RIMS1: variants seen among roughly 807,000 people sequenced by gnomAD.
The protein encoded by RIMS1 is regulating synaptic membrane exocytosis protein 1.
A neutral mutation model predicts 214.1 loss-of-function variants in RIMS1; 83 were observed. The ratio of observed to expected loss-of-function variants is 0.39; its 90% CI spans 0.32 to 0.47. The LOEUF is 0.47. Among genes scored for constraint, RIMS1 ranks in the 20% least tolerant of loss-of-function variants. The pLI, the probability that RIMS1 is intolerant of heterozygous loss-of-function variation, is 0.99. For synonymous variants in RIMS1, 793 were observed against 786.8 expected, an observed-to-expected ratio of 1.01 and a Z score of -0.13; for missense variants, 2,050 against 2,161.8, an observed-to-expected ratio of 0.95 and a Z score of 1.03.
At chr6:72,396,719 T>C (rs1371817199) in intron 31 of RIMS1, among the ~76,000 whole-genome samples, 2 of 152,134 alleles carry the variant, frequency 1.3e-5, no homozygotes, top group African/African-American at 4.8e-5. Flanking sequence ...ATACCACTTA[T>C]ACAAATGCTT....
chr6:71,894,138 CT>C (rs946653618), intron 1 of RIMS1, among the ~76,000 whole-genome samples: 1 of 152,146 alleles, frequency 6.6e-6, no homozygotes, highest in African/African-American at 2.4e-5. Flanking sequence ...ATGGAGAACA[CT>C]TTTTCTGAGA....
intron 2 of RIMS1, among the ~76,000 whole-genome samples, chr6:72,023,758 A>T (rs1251740837): frequency 6.6e-6 from 1 of 152,122 alleles, no homozygotes; most frequent in Non-Finnish European, 1.5e-5. Flanking sequence ...TTGAAACCAA[A>T]TTTATTTCAT....
At chr6:71,944,120 T>C (rs1787046267) in intron 1 of RIMS1, among the ~76,000 whole-genome samples, 1 of 152,218 alleles carries the variant, frequency 6.6e-6, no homozygotes, top group African/African-American at 2.4e-5. Context: ...CTTGGTAAAA[T>C]ACTATTATGG....
At chr6:72,181,177 A>G (rs887720265) in intron 5 of RIMS1, among the ~76,000 whole-genome samples, 9 of 152,216 alleles carry the variant, frequency 5.9e-5, no homozygotes, top group Non-Finnish European at 8.8e-5. Context: ...GATCAAAGCT[A>G]GGCAATATGT....
At chr6:72,256,818 G>T (rs1247603535) in intron 16 of RIMS1, among the ~76,000 whole-genome samples, 1 of 151,402 alleles carries the variant, frequency 6.6e-6, no homozygotes, top group Non-Finnish European at 1.5e-5. Flanking sequence ...CTGAATAACA[G>T]ACTTTTTATA....
chr6:72,121,277 C>T (rs1342644954), intron 4 of RIMS1, among the ~76,000 whole-genome samples: 1 of 151,806 alleles, frequency 6.6e-6, no homozygotes, highest in Non-Finnish European at 1.5e-5. Context: ...ATTCTTCCTA[C>T]CCATGAGCAT....
At chr6:72,217,001 T>C in intron 6 of RIMS1, 1 of 1,406,522 alleles carries the variant, frequency 7.1e-7, no homozygotes, top group Non-Finnish European at 9.2e-7. Context: ...AGTGTCACTG[T>C]TGTATAATGT....
chr6:72,298,331 CCTAA>C (rs896503704), intron 26 of RIMS1, among the ~76,000 whole-genome samples: 2 of 151,900 alleles, frequency 1.3e-5, no homozygotes, highest in African/African-American at 4.8e-5. Context: ...CAACTTGAGA[CCTAA>C]CTATTAGTAT....
At chr6:72,061,351 C>T (rs1196530015) in intron 2 of RIMS1, among the ~76,000 whole-genome samples, 1 of 152,204 alleles carries the variant, frequency 6.6e-6, no homozygotes, top group East Asian at 1.9e-4. Flanking sequence ...AATATTGAGG[C>T]ATGACACCAA....
At chr6:72,167,928 T>C (rs1383319475) in intron 4 of RIMS1, among the ~76,000 whole-genome samples, 2 of 152,082 alleles carry the variant, frequency 1.3e-5, no homozygotes, top group African/African-American at 4.8e-5. Flanking sequence ...TTATATTTCA[T>C]TTATTTTCAC....
intron 30 of RIMS1, 101 bp from the exon 31 acceptor site, chr6:72,392,597 T>C (rs1564830172): frequency 5.9e-6 from 5 of 840,858 alleles, no homozygotes; most frequent in Non-Finnish European, 1.0e-5. Context: ...CTAAGTAATA[T>C]TTATGTTTCA....
At chr6:72,172,273 T>C (rs967911634) in intron 4 of RIMS1, among the ~76,000 whole-genome samples, 1 of 152,178 alleles carries the variant, frequency 6.6e-6, no homozygotes, top group African/African-American at 2.4e-5. Flanking sequence ...TTAATCATGT[T>C]ATGAATATGT....
intron 1 of RIMS1, among the ~76,000 whole-genome samples, chr6:71,914,993 G>A (rs1280657945): frequency 6.6e-6 from 1 of 152,098 alleles, no homozygotes; most frequent in Non-Finnish European, 1.5e-5. Context: ...ATGAGTTTAA[G>A]TATAAAAGGA....
intron 27 of RIMS1, among the ~76,000 whole-genome samples, chr6:72,311,534 TATA>T (rs1563905701): frequency 6.6e-6 from 1 of 152,200 alleles, no homozygotes; most frequent in Non-Finnish European, 1.5e-5. Flanking sequence ...TCAGTTTAGA[TATA>T]ATAACATATG....
At chr6:71,913,399 C>T (rs7750393) in intron 1 of RIMS1, among the ~76,000 whole-genome samples, 7,767 of 152,110 alleles carry the variant, frequency 0.051, 572 homozygotes, top group African/African-American at 0.17. Flanking sequence ...TTTTTATAGA[C>T]AATAATGTTG....
intron 1 of RIMS1, among the ~76,000 whole-genome samples, chr6:71,924,060 ATTGT>A (rs1332219179): frequency 6.6e-6 from 1 of 152,066 alleles, no homozygotes; most frequent in Non-Finnish European, 1.5e-5. Context: ...TTTCTGCTAA[ATTGT>A]TTGTTTGATT....
chr6:72,014,221 A>G (rs1811899716), intron 2 of RIMS1, among the ~76,000 whole-genome samples: 1 of 152,208 alleles, frequency 6.6e-6, no homozygotes, highest in Non-Finnish European at 1.5e-5. Flanking sequence ...CCCCTTATAA[A>G]ACCATTAGAT....
chr6:71,899,143 A>G (rs1386745935), intron 1 of RIMS1, among the ~76,000 whole-genome samples: 1 of 152,100 alleles, frequency 6.6e-6, no homozygotes, highest in East Asian at 1.9e-4. Flanking sequence ...TTGGAATTTT[A>G]TTTAAGCTGT....
intron 9 of RIMS1, among the ~76,000 whole-genome samples, chr6:72,241,775 T>C (rs1373862785): frequency 6.6e-6 from 1 of 152,174 alleles, no homozygotes; most frequent in African/African-American, 2.4e-5. Flanking sequence ...ATTCAAATCC[T>C]TTCATGCATT....
Sources: allele counts gnomAD v4.1 joint callset (sites outside exome capture counted in the v4.1 genomes callset), GRCh38; gene constraint gnomAD v4.1.1; transcripts MANE v1.5; gene names NCBI Gene and HGNC (gene_info 2026-07-23, HGNC 2026-07-21).